Variants in EPB41L4B observed in about 807,000 individuals in gnomAD.
EPB41L4B encodes the protein erythrocyte membrane protein band 4.1 like 4B, also known as band 4.1-like protein 4B.
EPB41L4B carries 30 observed loss-of-function variants against 112.5 expected under a neutral mutation model. The observed-to-expected ratio is 0.27, with a 90% CI of 0.20 to 0.36. The LOEUF is 0.36. Among genes scored for constraint, EPB41L4B ranks in the 10% least tolerant of loss-of-function variants. EPB41L4B has a pLI of 1.00. For missense variants in EPB41L4B, 1,024 were observed against 1,133.3 expected, an observed-to-expected ratio of 0.90 and a Z score of 1.38; for synonymous variants, 408 against 439.7, an observed-to-expected ratio of 0.93 and a Z score of 0.90.
intron 14 of EPB41L4B, among the ~76,000 whole-genome samples, chr9:109,247,520 G>A (rs1337328464): frequency 2.0e-5 from 3 of 152,092 alleles, no homozygotes; most frequent in Non-Finnish European, 4.4e-5. Flanking sequence ...CAGTTGACAA[G>A]GTTAAGAAAA....
chr9:109,202,672 G>A (rs1228809309), intron 19 of EPB41L4B, among the ~76,000 whole-genome samples: 2 of 152,196 alleles, frequency 1.3e-5, no homozygotes, highest in Non-Finnish European at 2.9e-5. Flanking sequence ...CTTCCTCTGG[G>A]TTTGGGGTGG....
intron 15 of EPB41L4B, among the ~76,000 whole-genome samples, chr9:109,220,774 T>A (rs1833546136): frequency 6.6e-6 from 1 of 151,228 alleles, no homozygotes. Flanking sequence ...TTGGTGTGTG[T>A]GAGCATATGT....
At chr9:109,263,308 A>C (rs1835284565) in intron 5 of EPB41L4B, among the ~76,000 whole-genome samples, 3 of 152,256 alleles carry the variant, frequency 2.0e-5, no homozygotes, top group Non-Finnish European at 4.4e-5. Context: ...AGGGCAAAAT[A>C]ACCCAATGTA....
chr9:109,271,853 T>C (rs1228660304), intron 2 of EPB41L4B, among the ~76,000 whole-genome samples: 1 of 152,218 alleles, frequency 6.6e-6, no homozygotes, highest in Non-Finnish European at 1.5e-5. Context: ...GTTTCTAATC[T>C]GAATTTCTCA....
chr9:109,316,717 G>T (rs1837649419), intron 1 of EPB41L4B, among the ~76,000 whole-genome samples: 1 of 152,226 alleles, frequency 6.6e-6, no homozygotes, highest in Non-Finnish European at 1.5e-5. Flanking sequence ...ACTTTAGACT[G>T]CATGTTATAG....
At chr9:109,222,206 G>A (rs755755238) in intron 15 of EPB41L4B, among the ~76,000 whole-genome samples, 8 of 152,152 alleles carry the variant, frequency 5.3e-5, no homozygotes, top group East Asian at 1.9e-4. Flanking sequence ...TTTGGAGAGA[G>A]GCAGAGAAAG....
chr9:109,189,162 C>T (rs928252398), intron 22 of EPB41L4B, among the ~76,000 whole-genome samples: 1 of 152,162 alleles, frequency 6.6e-6, no homozygotes, highest in African/African-American at 2.4e-5. Flanking sequence ...CCTCTTGCAA[C>T]CCAGGCAGAA....
intron 13 of EPB41L4B, among the ~76,000 whole-genome samples, 175 bp from the exon 14 acceptor site, chr9:109,247,964 A>T (rs534461610): frequency 1.3e-5 from 2 of 152,380 alleles, no homozygotes; most frequent in South Asian, 4.1e-4. Context: ...AACATATAAC[A>T]AGGAAAACCC....
chr9:109,255,184 A>AT (rs1317158876), intron 11 of EPB41L4B, among the ~76,000 whole-genome samples: 1 of 152,250 alleles, frequency 6.6e-6, no homozygotes, highest in Non-Finnish European at 1.5e-5. Context: ...GCCGCTTGAA[A>AT]TATGACTAGC....
chr9:109,174,538 T>A lies in EPB41L4B; in HGVS notation c.*16A>T. On this transcript the variant is annotated 3_prime_UTR_variant, in exon 26 of 26. Coordinates refer to ENST00000374566, the MANE Select transcript of EPB41L4B (RefSeq NM_019114.5). Reference sequence around the variant, plus strand: ...AGAAGGCACCATGCCATCTTCCAGGTGACAAGGGGAGAATTTCACAGTTCG... The same window carrying A: ...AGAAGGCACCATGCCATCTTCCAGGAGACAAGGGGAGAATTTCACAGTTCG... The A allele has an allele frequency of 6.2e-7, 1 of 1,612,202 alleles. No homozygotes were observed. The highest frequency in any genetic ancestry group is 8.5e-7 in the Non-Finnish European group (1 of 1,178,336).
intron 1 of EPB41L4B, among the ~76,000 whole-genome samples, chr9:109,306,132 C>T (rs1837181568): frequency 6.6e-6 from 1 of 152,156 alleles, no homozygotes; most frequent in Non-Finnish European, 1.5e-5. Flanking sequence ...CAAAATCTTA[C>T]TGGTGAGCTT....
chr9:109,223,478 C>G (rs976398375), intron 15 of EPB41L4B, among the ~76,000 whole-genome samples: 2 of 151,878 alleles, frequency 1.3e-5, no homozygotes, highest in African/African-American at 4.8e-5. Context: ...TAATGGTATC[C>G]TCTGGAATCC....
At chr9:109,205,271 T>G (rs1206447866) in intron 18 of EPB41L4B, among the ~76,000 whole-genome samples, 1 of 152,206 alleles carries the variant, frequency 6.6e-6, no homozygotes, top group African/African-American at 2.4e-5. Flanking sequence ...TTTTCCTGCT[T>G]TCATGCCCTT....
At chr9:109,202,895 C>T (rs1364451157) in intron 19 of EPB41L4B, among the ~76,000 whole-genome samples, 2 of 152,158 alleles carry the variant, frequency 1.3e-5, no homozygotes, top group African/African-American at 2.4e-5. Flanking sequence ...GTGGCTCACA[C>T]CTGTAATCTC....
intron 15 of EPB41L4B, among the ~76,000 whole-genome samples, chr9:109,221,789 T>G (rs907951955): frequency 2.0e-5 from 3 of 152,200 alleles, no homozygotes; most frequent in African/African-American, 7.2e-5. Context: ...AAAGATGTCT[T>G]GTAGCAGAGA....
intron 5 of EPB41L4B, among the ~76,000 whole-genome samples, chr9:109,264,006 T>C (rs1835309916): frequency 6.6e-6 from 1 of 151,974 alleles, no homozygotes; most frequent in African/African-American, 2.4e-5. Flanking sequence ...ACACAGCCTT[T>C]AGTATGAGGA....
intron 1 of EPB41L4B, among the ~76,000 whole-genome samples, chr9:109,286,058 C>T (rs1020011488): frequency 1.3e-5 from 2 of 151,880 alleles, no homozygotes; most frequent in African/African-American, 2.4e-5. Flanking sequence ...TCTGAGTACC[C>T]ACATCTCTGT....
rs1482117541 is a variant in EPB41L4B, at chr9:109,174,064, C to G, written c.*490G>C. 6.5e-6 allele frequency: 1 copy of G among 153,278 alleles called. No individual in the cohort carries two copies. Among genetic ancestry groups the G allele is most frequent in the African/African-American group, 2.4e-5 (1 of 41,422 alleles). The allele number at this position is 153,278 out of a possible 1,614,324, so 9.5% of individuals were successfully genotyped here. A position where few individuals can be genotyped will look rare whatever the true frequency, so the allele number is the denominator to read the frequency against. Reference sequence around the variant, plus strand: ...TAGTTCTTCTACTCACATCTGAATACAAATGAATGTTAAAGACTTTATAAG... The same window carrying G: ...TAGTTCTTCTACTCACATCTGAATAGAAATGAATGTTAAAGACTTTATAAG... On this transcript the variant is annotated 3_prime_UTR_variant, in exon 26 of 26. Transcript: ENST00000374566.
chr9:109,257,112 G>A (rs565203012), intron 7 of EPB41L4B, among the ~76,000 whole-genome samples: 1 of 152,218 alleles, frequency 6.6e-6, no homozygotes, highest in Non-Finnish European at 1.5e-5. Flanking sequence ...TGGGTGGGGT[G>A]TGCCATACCC....
Sources: allele counts gnomAD v4.1 joint callset (sites outside exome capture counted in the v4.1 genomes callset), GRCh38; gene constraint gnomAD v4.1.1; transcripts MANE v1.5; gene names NCBI Gene and HGNC (gene_info 2026-07-23, HGNC 2026-07-21).